ANO10: variants seen among roughly 807,000 people sequenced by gnomAD.
The protein encoded by ANO10 is anoctamin 10, also known as anoctamin-10.
ANO10 carries 77 observed loss-of-function variants against 74.7 expected under a neutral mutation model. The observed-to-expected ratio is 1.03, with a 90% CI of 0.86 to 1.25. ANO10 has a LOEUF of 1.25. Among genes scored for constraint, ANO10 ranks in the 50% most tolerant of loss-of-function variants. The pLI is 0.00. For missense variants in ANO10, 721 were observed against 778.1 expected (o/e 0.93, Z 0.87); for synonymous variants, 279 against 284.9 (o/e 0.98, Z 0.21).
chr3:43,571,631 A>T (rs1355706755), intron 7 of ANO10, among the ~76,000 whole-genome samples: 1 of 151,460 alleles, frequency 6.6e-6, no homozygotes, highest in Non-Finnish European at 1.5e-5. Flanking sequence ...TGGGAACTGA[A>T]CAATGAGATC....
chr3:43,583,194 C>T (rs1350734985), intron 4 of ANO10, among the ~76,000 whole-genome samples: 1 of 151,630 alleles, frequency 6.6e-6, no homozygotes, highest in East Asian at 1.9e-4. Context: ...GTGCCAAAGT[C>T]ATGGTTCTGT....
At chr3:43,370,497 C>T (rs2091570474) in intron 12 of ANO10, among the ~76,000 whole-genome samples, 1 of 136,838 alleles carries the variant, frequency 7.3e-6, no homozygotes, top group East Asian at 2.5e-4. Flanking sequence ...AGGCACCAGG[C>T]TGCCTCTGGC....
intron 1 of ANO10, among the ~76,000 whole-genome samples, chr3:43,611,713 T>C (rs1427691263): frequency 2.6e-5 from 4 of 152,202 alleles, no homozygotes; most frequent in Non-Finnish European, 5.9e-5. Flanking sequence ...TTTTTATTAC[T>C]GGCTACTAGT....
At chr3:43,454,302 A>T (rs1470567031) in intron 11 of ANO10, among the ~76,000 whole-genome samples, 1 of 152,242 alleles carries the variant, frequency 6.6e-6, no homozygotes, top group African/African-American at 2.4e-5. Flanking sequence ...ATAGGGTTTC[A>T]AAAGTCATAG....
intron 11 of ANO10, among the ~76,000 whole-genome samples, chr3:43,539,073 T>C (rs1385780956): frequency 2.6e-5 from 4 of 152,082 alleles, no homozygotes; most frequent in African/African-American, 4.8e-5. Context: ...AGTTTCCCCA[T>C]CCATTACCTC....
rs181261564 is a variant in ANO10, at chr3:43,387,504, C to T, written c.1915-20530G>A. Among the ~76,000 whole-genome samples, 244 of 152,292 alleles carry T rather than the reference C, an allele frequency of 1.6e-3. 2 individuals carry two copies. Among genetic ancestry groups the T allele is most frequent in the Middle Eastern group, 6.8e-3 (2 of 294 alleles). On this transcript the variant is annotated intron_variant, in intron 12 of 12. Coordinates refer to ENST00000292246, the MANE Select transcript of ANO10 (RefSeq NM_018075.5). ...CATGGTTTGTGGCAGAGGCCCTACA[C>T]GCAGCTGGGAGCAGTCTATAGCTGG...
intron 1 of ANO10, among the ~76,000 whole-genome samples, chr3:43,614,816 T>G (rs1337183874): frequency 2.8e-5 from 4 of 142,070 alleles, no homozygotes; most frequent in African/African-American, 1.0e-4. Flanking sequence ...TTCATTACAG[T>G]TTTTTATGGA....
At chr3:43,584,626 C>T (rs1464358665) in intron 4 of ANO10, among the ~76,000 whole-genome samples, 1 of 152,128 alleles carries the variant, frequency 6.6e-6, no homozygotes, top group Admixed American at 6.6e-5. Flanking sequence ...CCACCCACTC[C>T]CTTTGGACCT....
At chr3:43,623,155 C>G (rs961934625), upstream of ANO10, among the ~76,000 whole-genome samples, 19 of 152,142 alleles carry the variant, frequency 1.2e-4, no homozygotes, top group African/African-American at 4.3e-4. Context: ...CGTGAGCCAC[C>G]GCGCCCTGCC....
intron 11 of ANO10, among the ~76,000 whole-genome samples, chr3:43,468,943 C>G (rs543098978): frequency 1.4e-4 from 22 of 151,742 alleles, no homozygotes; most frequent in Non-Finnish European, 2.8e-4. Flanking sequence ...ATCTCCTGAC[C>G]TCGTGATCCA....
At chr3:43,427,261 CT>C (rs1183262132) in intron 12 of ANO10, among the ~76,000 whole-genome samples, 1 of 152,118 alleles carries the variant, frequency 6.6e-6, no homozygotes, top group Non-Finnish European at 1.5e-5. Flanking sequence ...GCTTGGGAAT[CT>C]ATTTTTGCTG....
intron 11 of ANO10, among the ~76,000 whole-genome samples, chr3:43,463,310 C>T (rs966882328): frequency 2.0e-5 from 3 of 152,166 alleles, no homozygotes; most frequent in Non-Finnish European, 4.4e-5. Context: ...CTTGCATCAT[C>T]GTTACCTGGA....
chr3:43,691,024 C>T (rs369657976), intron 1 of ANO10: 3 of 1,562,492 alleles, frequency 1.9e-6, no homozygotes, highest in Admixed American at 1.8e-5. Context: ...GTGGACTCTG[C>T]CGACACCGGA....
intron 1 of ANO10, among the ~76,000 whole-genome samples, chr3:43,676,827 T>C (rs1375217955): frequency 6.6e-6 from 1 of 151,168 alleles, no homozygotes; most frequent in East Asian, 1.9e-4. Flanking sequence ...TTGAATTAAA[T>C]TAACCAGATA....
At chr3:43,541,823 T>C (rs2078970607) in intron 11 of ANO10, among the ~76,000 whole-genome samples, 1 of 152,180 alleles carries the variant, frequency 6.6e-6, no homozygotes, top group South Asian at 2.1e-4. Context: ...TCATACAGTT[T>C]TAGTAAATGA....
At chr3:43,658,592 C>A (rs1415766830) in intron 1 of ANO10, among the ~76,000 whole-genome samples, 2 of 152,118 alleles carry the variant, frequency 1.3e-5, no homozygotes, top group Non-Finnish European at 2.9e-5. Flanking sequence ...GCCTCAGCCT[C>A]CTGAGTAGCT....
chr3:43,515,310 T>C (rs2077665187), intron 11 of ANO10, among the ~76,000 whole-genome samples: 2 of 152,192 alleles, frequency 1.3e-5, no homozygotes, highest in Non-Finnish European at 2.9e-5. Flanking sequence ...CCTCATCCAA[T>C]CCACTGAAGG....
chr3:43,571,334 A>G (rs1387347867), intron 7 of ANO10, among the ~76,000 whole-genome samples: 202 of 152,106 alleles, frequency 1.3e-3, no homozygotes, highest in South Asian at 7.3e-3. Context: ...CCCATTACTG[A>G]GTATATACCC....
chr3:43,633,310 T>A (rs968770544), intron 1 of ANO10, among the ~76,000 whole-genome samples: 5 of 152,174 alleles, frequency 3.3e-5, no homozygotes, highest in East Asian at 1.9e-4. Context: ...AAATACCACA[T>A]ACATATTTTG....
Sources: gnomAD v4.1 joint callset for allele counts (sites outside exome capture counted in the v4.1 genomes callset) on GRCh38, gnomAD v4.1.1 for gene constraint, MANE v1.5 for transcripts, NCBI Gene and HGNC (gene_info 2026-07-23, HGNC 2026-07-21) for gene names.